ZYG11A: variants seen among roughly 807,000 people sequenced by gnomAD.
ZYG11A encodes zyg-11 family member A, cell cycle regulator.
A neutral mutation model predicts 77.2 loss-of-function variants in ZYG11A; 62 were observed. The observed-to-expected ratio is 0.80, with a 90% CI of 0.65 to 0.99. The LOEUF is 0.99. Among genes scored for constraint, ZYG11A ranks in the 50% least tolerant of loss-of-function variants. ZYG11A has a pLI of 0.00. For missense variants in ZYG11A, 828 were observed against 896.8 expected (o/e 0.92, Z 0.98); for synonymous variants, 315 against 324.6 (o/e 0.97, Z 0.32).
intron 11 of ZYG11A, among the ~76,000 whole-genome samples, chr1:52,882,571 GA>G (rs1032114611): frequency 8.5e-4 from 130 of 152,280 alleles, no homozygotes; most frequent in African/African-American, 2.9e-3. Flanking sequence ...AGCTTCCTAA[GA>G]AAAGAGTCTT....
At chr1:52,892,453 G>A (rs1182010052) in intron 13 of ZYG11A, among the ~76,000 whole-genome samples, 2 of 151,394 alleles carry the variant, frequency 1.3e-5, no homozygotes, top group Admixed American at 6.6e-5. Flanking sequence ...GCTTGAGCCC[G>A]GGAGGTGGAG....
chr1:52,882,090 G>T (rs1349183835), intron 11 of ZYG11A, among the ~76,000 whole-genome samples: 2 of 151,974 alleles, frequency 1.3e-5, no homozygotes, highest in Admixed American at 1.3e-4. Flanking sequence ...ATGGGGTTTT[G>T]CCATGTTGGC....
chr1:52,868,981 A>G (rs561660977), intron 8 of ZYG11A, among the ~76,000 whole-genome samples: 1 of 152,090 alleles, frequency 6.6e-6, no homozygotes, highest in East Asian at 1.9e-4. Context: ...GATTACAGGC[A>G]TGTGCCACCA....
At chr1:52,848,182 T>C (rs1645634448) in intron 1 of ZYG11A, among the ~76,000 whole-genome samples, 1 of 152,190 alleles carries the variant, frequency 6.6e-6, no homozygotes, top group South Asian at 2.1e-4. Flanking sequence ...TTTGTATTTT[T>C]AGTAGAGACG....
chr1:52,861,573 G>A (rs1224533373), intron 4 of ZYG11A, among the ~76,000 whole-genome samples: 5 of 151,954 alleles, frequency 3.3e-5, no homozygotes, highest in African/African-American at 9.7e-5. Flanking sequence ...GCGTGGTGGC[G>A]CACTCCTATA....
chr1:52,892,710 G>T, intron 13 of ZYG11A, 72 bp from the exon 14 acceptor site: 1 of 1,290,290 alleles, frequency 7.8e-7, no homozygotes, highest in Non-Finnish European at 1.1e-6. Context: ...CTTCAGCAAG[G>T]TGAATGTGGT....
At chr1:52,866,346 A>G (rs1646027367) in intron 5 of ZYG11A, among the ~76,000 whole-genome samples, 157 bp from the exon 6 acceptor site, 1 of 152,206 alleles carries the variant, frequency 6.6e-6, no homozygotes. Flanking sequence ...CCTGCATGGC[A>G]GTCATCAGTT....
At chr1:52,869,199 T>TC (rs1244915173) in intron 8 of ZYG11A, among the ~76,000 whole-genome samples, 1 of 149,830 alleles carries the variant, frequency 6.7e-6, no homozygotes, top group Non-Finnish European at 1.5e-5. Context: ...CTGACTTTTT[T>TC]CTACTTTATA....
chr1:52,857,561 G>A lies in ZYG11A; in HGVS notation c.820G>A (p.Ala274Thr), dbSNP rs1313750449. 6.4e-7 allele frequency: 1 copy of A among 1,552,028 alleles called. No homozygotes were observed. Among genetic ancestry groups the A allele is most frequent in the Admixed American group, 2.0e-5 (1 of 50,990 alleles). ...SDHRQLKSDL[A>T]FHLLQQKDIL... ...TCACAGGCAACTCAAATCAGACCTA[G>A]CTTTTCATTTGCTACAGCAGAAGGA... is the stretch of plus-strand genomic sequence containing the variant. Residue 274 changes from alanine to threonine, a missense_variant, in exon 3 of 14, where the codon GCT (alanine) becomes ACT (threonine). Transcript: ENST00000371528.
chr1:52,883,452 G>T (rs1332616863), intron 11 of ZYG11A, among the ~76,000 whole-genome samples: 60 of 146,026 alleles, frequency 4.1e-4, no homozygotes, highest in Admixed American at 7.5e-4. Context: ...TTTTTTTTTT[G>T]AGACTCGGTC....
At chr1:52,856,649 G>A (rs1197519656) in intron 2 of ZYG11A, among the ~76,000 whole-genome samples, 3 of 151,698 alleles carry the variant, frequency 2.0e-5, no homozygotes, top group Admixed American at 6.6e-5. Context: ...ATTTTATTTT[G>A]TTCTTCCTTT....
intron 13 of ZYG11A, among the ~76,000 whole-genome samples, chr1:52,890,550 A>T (rs1035519916): frequency 3.3e-5 from 5 of 151,026 alleles, no homozygotes; most frequent in African/African-American, 9.8e-5. Flanking sequence ...ATTATTTTCT[A>T]TTGTTGCTGT....
intron 1 of ZYG11A, among the ~76,000 whole-genome samples, chr1:52,852,249 G>A (rs538915210): frequency 7.3e-5 from 11 of 150,482 alleles, no homozygotes; most frequent in Admixed American, 3.3e-4. Context: ...GGGTTTCACC[G>A]TGTTGGCCAG....
intron 3 of ZYG11A, among the ~76,000 whole-genome samples, chr1:52,859,301 G>A (rs1645877330): frequency 6.6e-6 from 1 of 151,664 alleles, no homozygotes; most frequent in Non-Finnish European, 1.5e-5. Context: ...TGAAAATCGG[G>A]TGTCCGTATA....
chr1:52,867,868 C>T, intron 8 of ZYG11A, 91 bp downstream of exon 8: 1 of 1,090,848 alleles, frequency 9.2e-7, no homozygotes, highest in South Asian at 1.5e-5. Context: ...TTCCAAAAGG[C>T]CTATTAAGGT....
Position 52,868,770 on chromosome 1 carries a change from A to C in ZYG11A, c.1542+993A>C, listed in dbSNP as rs1646079255. Among the ~76,000 whole-genome samples the C allele has an allele frequency of 2.0e-5, 3 of 152,340 alleles. No homozygotes were observed. In the South Asian group the frequency reaches 6.2e-4, roughly 32 times the overall value. The stretch of plus-strand genomic sequence containing the variant: ...CAGGTGCACTCCAGCCTGGTGACAG[A>C]GTAAAATTGTGTCTCAAAAAACAAC... On this transcript the variant is annotated intron_variant, in intron 8 of 13. Transcript: ENST00000371528.
At chr1:52,851,185 A>C (rs891226907) in intron 1 of ZYG11A, among the ~76,000 whole-genome samples, 1 of 151,582 alleles carries the variant, frequency 6.6e-6, no homozygotes, top group African/African-American at 2.4e-5. Flanking sequence ...GCTGGGACTC[A>C]GGCACACCCT....
intron 8 of ZYG11A, 63 bp from the exon 9 acceptor site, chr1:52,877,619 C>G (rs1475654806): frequency 2.9e-5 from 41 of 1,416,576 alleles, no homozygotes; most frequent in Admixed American, 5.0e-5. Context: ...CATTGCTTTC[C>G]TTATACCGCA....
At chr1:52,879,100 T>C (rs150564693) in intron 10 of ZYG11A, among the ~76,000 whole-genome samples, 1 of 152,276 alleles carries the variant, frequency 6.6e-6, no homozygotes, top group African/African-American at 2.4e-5. Flanking sequence ...ACTTATGTAC[T>C]GACTCTCAAT....
Sources: allele counts gnomAD v4.1 joint callset (sites outside exome capture counted in the v4.1 genomes callset), GRCh38; gene constraint gnomAD v4.1.1; transcripts MANE v1.5; gene names NCBI Gene and HGNC (gene_info 2026-07-23, HGNC 2026-07-21).